Variants in IMMT observed in about 807,000 individuals in gnomAD.
IMMT encodes MICOS complex subunit MIC60.
Under a neutral mutation model 92.7 loss-of-function variants are expected in IMMT, and 40 were observed. The ratio of observed to expected loss-of-function variants is 0.43; its 90% confidence interval spans 0.34 to 0.56. The LOEUF is 0.56. Ranked by LOEUF, IMMT falls within the 20% of genes least tolerant of loss-of-function variation. The pLI is 0.03. For missense variants in IMMT, 831 were observed against 912.1 expected (o/e 0.91, Z 1.14); for synonymous variants, 322 against 336.1 (o/e 0.96, Z 0.46).
In IMMT at chr2:86,163,959, C is replaced by CAAAAAAAAAAAA. The variant is rs70953998; in HGVS notation, c.793-1881_793-1880insTTTTTTTTTTTT. Among the ~76,000 whole-genome samples the CAAAAAAAAAAAA allele has an allele frequency of 3.5e-4, 32 of 91,924 alleles. 1 individual carries two copies. The highest frequency in any genetic ancestry group is 7.4e-4 in the South Asian group (2 of 2,692). The allele number at this position is 91,924 out of a possible 152,430, so 60.3% of individuals were successfully genotyped here. On this transcript the variant is annotated intron_variant, in intron 7 of 14. Coordinates refer to ENST00000410111, the MANE Select transcript of IMMT (RefSeq NM_006839.3). The stretch of plus-strand genomic sequence containing the variant: ...GGGCAACAAAGCAAGACTCCATCTC[C>CAAAAAAAAAAAA]AAAAAAAAAGAATGTTCTATGTAAA...
At chr2:86,185,159 G>C (rs1672687701) in intron 1 of IMMT, among the ~76,000 whole-genome samples, 1 of 151,502 alleles carries the variant, frequency 6.6e-6, no homozygotes, top group South Asian at 2.1e-4. Context: ...GACAGAGCCA[G>C]ACTCTGTCTT....
chr2:86,173,527 C>A, intron 4 of IMMT, 123 bp downstream of exon 4: 1 of 635,598 alleles, frequency 1.6e-6, no homozygotes, highest in Non-Finnish European at 2.8e-6. Context: ...CTGCGGTGAG[C>A]CGAGATTGTG....
chr2:86,147,639 A>C (rs1675120629), intron 13 of IMMT, 63 bp downstream of exon 13: 1 of 1,507,250 alleles, frequency 6.6e-7, no homozygotes, highest in Non-Finnish European at 9.0e-7. Context: ...CATTAAAAGG[A>C]AAGGAGAGTC....
At chr2:86,161,935 C>T (rs377362198) in intron 8 of IMMT, 41 bp downstream of exon 8, 15 of 1,329,368 alleles carry the variant, frequency 1.1e-5, no homozygotes, top group Non-Finnish European at 1.5e-5. Flanking sequence ...AGAAAGCCAC[C>T]AGGAGGCCCT....
chr2:86,154,539 A>G (rs1675713860), intron 10 of IMMT, among the ~76,000 whole-genome samples: 1 of 152,052 alleles, frequency 6.6e-6, no homozygotes, highest in Non-Finnish European at 1.5e-5. Flanking sequence ...TTCATACAGT[A>G]TTTTACTAAA....
At chr2:86,170,634 C>T (rs746051515) in intron 6 of IMMT, 115 bp downstream of exon 6, 7 of 668,834 alleles carry the variant, frequency 1.0e-5, no homozygotes, top group South Asian at 3.8e-5. Context: ...AAAACAACCG[C>T]AGCAACAAAA....
At position 86,161,996 on chromosome 2, in the gene IMMT, G is replaced by A. The variant is rs370662846; in HGVS notation, c.876C>T (p.Ala292=). ...ATTACTTGGCTTTGAGAAGGGCATC[G>A]GCAGCTTCATCTACTGCCTTTCTGC... ...KERRKAVDEA[A]DALLKAKEEL... is the part of the protein sequence containing the mutation. Residue 292 remains alanine, a synonymous_variant, in exon 8 of 15, where the codon GCC becomes GCT. Transcript: ENST00000410111. 1.2e-5 allele frequency: 19 copies of A among 1,598,028 alleles called. No individual in the cohort carries two copies. The highest frequency in any genetic ancestry group is 9.0e-5 in the East Asian group (4 of 44,352).
At chr2:86,157,296 T>C (rs919034814) in intron 10 of IMMT, among the ~76,000 whole-genome samples, 1 of 152,226 alleles carries the variant, frequency 6.6e-6, no homozygotes, top group Non-Finnish European at 1.5e-5. Flanking sequence ...AGTTATCTTT[T>C]GACAGCCTTA....
intron 3 of IMMT, among the ~76,000 whole-genome samples, chr2:86,178,722 C>G (rs929835414): frequency 6.6e-6 from 1 of 152,142 alleles, no homozygotes; most frequent in Non-Finnish European, 1.5e-5. Context: ...GGTTCTACAT[C>G]CATAGATTCA....
intron 1 of IMMT, among the ~76,000 whole-genome samples, chr2:86,187,740 G>A (rs1289590237): frequency 1.3e-5 from 2 of 151,828 alleles, no homozygotes; most frequent in Admixed American, 1.3e-4. Context: ...GAGAAGCCCC[G>A]CGTCTCCAGT....
intron 11 of IMMT, among the ~76,000 whole-genome samples, chr2:86,152,152 T>C (rs943658649): frequency 4.6e-5 from 7 of 152,122 alleles, no homozygotes; most frequent in African/African-American, 1.4e-4. Flanking sequence ...TTAAGAATTA[T>C]GGCTCCAGCC....
intron 8 of IMMT, 60 bp downstream of exon 8, chr2:86,161,916 C>T (rs1320841113): frequency 5.6e-6 from 6 of 1,065,178 alleles, no homozygotes; most frequent in Non-Finnish European, 7.1e-6. Flanking sequence ...CAAAGAAAAC[C>T]CGGCCCAAAG....
At chr2:86,158,570 A>G in intron 10 of IMMT, 22 bp downstream of exon 10, 1 of 1,560,946 alleles carries the variant, frequency 6.4e-7, no homozygotes, top group South Asian at 1.2e-5. Context: ...CAAAAAAAAA[A>G]CATTACTTCA....
intron 1 of IMMT, among the ~76,000 whole-genome samples, chr2:86,183,206 T>TCAAG (rs1163029024): frequency 6.6e-6 from 1 of 152,212 alleles, no homozygotes; most frequent in East Asian, 1.9e-4. Context: ...AACTGGAGTA[T>TCAAG]CAAGCAGCAA....
intron 1 of IMMT, chr2:86,192,920 G>C (rs1673243299): frequency 6.5e-6 from 1 of 154,142 alleles, no homozygotes; most frequent in East Asian, 1.9e-4. Context: ...AATATGAGAA[G>C]AGTCAGATCA....
chr2:86,166,266 G>T (rs1233275959), intron 7 of IMMT, among the ~76,000 whole-genome samples: 1 of 152,162 alleles, frequency 6.6e-6, no homozygotes, highest in Non-Finnish European at 1.5e-5. Flanking sequence ...GGGAGGTGGA[G>T]GTTGCAATGA....
rs369496479 is a variant in IMMT at position 86,191,872 on chromosome 2, G to A, written c.45+3466C>T. Reference sequence around the variant, plus strand: ...GGAGCTTGCAGTGTGCTGAAATGGCGCCACTGCACTCCAGCCTGGGTGACA... The same window carrying A: ...GGAGCTTGCAGTGTGCTGAAATGGCACCACTGCACTCCAGCCTGGGTGACA... On this transcript the variant is annotated intron_variant, in intron 1 of 14. Coordinates refer to ENST00000410111, the MANE Select transcript of IMMT (RefSeq NM_006839.3). 1.8e-4 allele frequency among the ~76,000 whole-genome samples: 27 copies of A among 150,968 alleles called. 1 individual carries two copies. The East Asian group carries it at 4.1e-3, about 23-fold the overall frequency.
intron 1 of IMMT, among the ~76,000 whole-genome samples, chr2:86,186,327 T>C (rs965636): frequency 0.28 from 42,262 of 152,010 alleles, 7,115 homozygotes; most frequent in East Asian, 0.5. Context: ...CTGAGGATAA[T>C]ATCCAAAATT....
At chr2:86,189,258 G>A (rs1216717326) in intron 1 of IMMT, among the ~76,000 whole-genome samples, 1 of 150,316 alleles carries the variant, frequency 6.7e-6, no homozygotes, top group Non-Finnish European at 1.5e-5. Context: ...TTTTTGAGAT[G>A]GAGTCTCGCT....
Sources: allele counts gnomAD v4.1 joint callset (sites outside exome capture counted in the v4.1 genomes callset), GRCh38; gene constraint gnomAD v4.1.1; transcripts MANE v1.5; gene names NCBI Gene and HGNC (gene_info 2026-07-23, HGNC 2026-07-21).